Variants in TLK1 observed in about 807,000 individuals in gnomAD.
The protein encoded by TLK1 is tousled like kinase 1.
TLK1 carries 24 observed loss-of-function variants against 105.3 expected under a neutral mutation model. That is an observed-to-expected ratio of 0.23 (90% CI 0.17 to 0.32). TLK1 has a LOEUF of 0.32. Ranked by LOEUF, TLK1 falls within the 10% of genes least tolerant of loss-of-function variation. The pLI is 1.00. For missense variants in TLK1, 558 were observed against 910.5 expected, an observed-to-expected ratio of 0.61 and a Z score of 4.98; for synonymous variants, 321 against 310.4, an observed-to-expected ratio of 1.03 and a Z score of -0.36.
At chr2:171,003,872 T>C (rs1262435724) in intron 18 of TLK1, among the ~76,000 whole-genome samples, 1 of 152,248 alleles carries the variant, frequency 6.6e-6, no homozygotes, top group Admixed American at 6.5e-5. Context: ...TAGATTTGTG[T>C]ACATTTTATG....
Position 171,160,180 on chromosome 2 carries a change from C to A in TLK1, c.139+110G>T. 8.3e-7 allele frequency: 1 copy of A among 1,204,248 alleles called. No individual in the cohort carries two copies. The highest frequency in any genetic ancestry group is 1.0e-6 in the Non-Finnish European group (1 of 953,384). The allele number at this position is 1,204,248 out of a possible 1,614,324, so 74.6% of individuals were successfully genotyped here. ...CGTCCACCTCGCCACCATCCCCCACCCCAGGGTCTGGCGGAGAAGCCCCGG... is the reference window on the plus strand; with the variant it reads ...CGTCCACCTCGCCACCATCCCCCACACCAGGGTCTGGCGGAGAAGCCCCGG... On this transcript the variant is annotated intron_variant, in intron 1 of 20. Coordinates refer to ENST00000431350, the MANE Select transcript of TLK1 (RefSeq NM_012290.5). This position sits in a 1 kb window ranked among gnomAD's most constrained non-coding sequence, Gnocchi z 4.4.
intron 3 of TLK1, among the ~76,000 whole-genome samples, chr2:171,063,422 A>G (rs1180682525): frequency 1.3e-5 from 2 of 152,144 alleles, no homozygotes; most frequent in African/African-American, 4.8e-5. Context: ...TTCCTAACTT[A>G]ATTTATATAT....
rs2723236 is a variant in TLK1 at position 171,070,768 on chromosome 2, T to C, written c.331-9612A>G. Among the ~76,000 whole-genome samples, 1,408 of 152,288 alleles carry C rather than the reference T, an allele frequency of 9.2e-3. 16 individuals carry two copies. Among genetic ancestry groups the C allele is most frequent in the Middle Eastern group, 0.044 (13 of 294 alleles). On this transcript the variant is annotated intron_variant, in intron 3 of 20. Transcript: ENST00000431350. Reference sequence around the variant, plus strand: ...GTATCTCTTTGATATATCAATTTCTTTTATTTTGGGTATATATCTAGCAGT... The same window carrying C: ...GTATCTCTTTGATATATCAATTTCTCTTATTTTGGGTATATATCTAGCAGT...
At chr2:171,229,656 G>A (rs558554780) in intron 1 of TLK1, among the ~76,000 whole-genome samples, 76 of 152,282 alleles carry the variant, frequency 5.0e-4, no homozygotes, top group African/African-American at 1.7e-3. Context: ...TCAAGAGAAA[G>A]GGTGCAAACT....
At chr2:170,998,832 G>A (rs1341397202) in intron 18 of TLK1, among the ~76,000 whole-genome samples, 4 of 152,100 alleles carry the variant, frequency 2.6e-5, no homozygotes, top group East Asian at 1.9e-4. Flanking sequence ...ACAGTGGTAC[G>A]ATCATAGCTC....
chr2:171,230,288 C>T (rs1693971896), intron 1 of TLK1, among the ~76,000 whole-genome samples: 1 of 152,130 alleles, frequency 6.6e-6, no homozygotes, highest in Non-Finnish European at 1.5e-5. Flanking sequence ...TACTTTGACC[C>T]ACTTCCTTGC....
At chr2:171,113,351 A>C (rs1575604261) in intron 2 of TLK1, among the ~76,000 whole-genome samples, 1 of 151,642 alleles carries the variant, frequency 6.6e-6, no homozygotes, top group South Asian at 2.1e-4. Context: ...GCTCACTGCA[A>C]CCTCCATCTC....
intron 1 of TLK1, among the ~76,000 whole-genome samples, chr2:171,173,949 C>T (rs1692775341): frequency 6.6e-6 from 1 of 152,278 alleles, no homozygotes; most frequent in Non-Finnish European, 1.5e-5. Context: ...TCCCTTGCCA[C>T]TCCCTAAGAC....
upstream of TLK1, among the ~76,000 whole-genome samples, chr2:171,162,765 G>C (rs1157651551): frequency 1.3e-5 from 2 of 152,250 alleles, no homozygotes; most frequent in East Asian, 3.9e-4. Context: ...AGGCCATACA[G>C]TCAATTTGTA....
At chr2:171,022,059 T>G (rs1685536880) in intron 12 of TLK1, among the ~76,000 whole-genome samples, 1 of 145,140 alleles carries the variant, frequency 6.9e-6, no homozygotes, top group African/African-American at 2.6e-5. Context: ...GCCGGGATCA[T>G]GCCACCACAC....
chr2:171,039,106 C>T (rs2105410737), intron 11 of TLK1, among the ~76,000 whole-genome samples: 1 of 152,118 alleles, frequency 6.6e-6, no homozygotes, highest in South Asian at 2.1e-4. Context: ...TTTACTATGT[C>T]TGATTTAATA....
At chr2:171,046,466 T>C in intron 10 of TLK1, 104 bp from the exon 11 acceptor site, 1 of 1,279,788 alleles carries the variant, frequency 7.8e-7, no homozygotes. Context: ...AAAATATACA[T>C]TCGTAACCTT....
At chr2:171,087,913 G>C (rs1031933385) in intron 2 of TLK1, among the ~76,000 whole-genome samples, 3 of 152,136 alleles carry the variant, frequency 2.0e-5, no homozygotes, top group African/African-American at 4.8e-5. Context: ...GCCCTTTCTT[G>C]TTCTCAATTC....
chr2:171,026,350 T>C (rs1283429089), intron 12 of TLK1, among the ~76,000 whole-genome samples: 1 of 152,150 alleles, frequency 6.6e-6, no homozygotes, highest in Non-Finnish European at 1.5e-5. Context: ...ACCAGTATTT[T>C]CAAAGTACCA....
chr2:171,116,266 A>C (rs1163329596), intron 2 of TLK1, among the ~76,000 whole-genome samples: 1 of 152,226 alleles, frequency 6.6e-6, no homozygotes, highest in Non-Finnish European at 1.5e-5. Context: ...CGATGTATGA[A>C]GTCAACAAGA....
intron 3 of TLK1, among the ~76,000 whole-genome samples, chr2:171,079,636 C>G (rs1688660515): frequency 1.3e-5 from 2 of 151,902 alleles, no homozygotes; most frequent in South Asian, 2.1e-4. Flanking sequence ...CTTTTATTTA[C>G]GAGAGGAAAA....
chr2:171,046,077 T>C (rs1346866082), intron 11 of TLK1, 97 bp downstream of exon 11: 2 of 1,100,406 alleles, frequency 1.8e-6, no homozygotes, highest in Non-Finnish European at 2.5e-6. Context: ...TTAATCATTT[T>C]TGCTATCTAA....
At chr2:171,121,765 G>C (rs1690665645) in intron 1 of TLK1, among the ~76,000 whole-genome samples, 1 of 152,164 alleles carries the variant, frequency 6.6e-6, no homozygotes, top group Non-Finnish European at 1.5e-5. Flanking sequence ...CTTTGACCTA[G>C]ATCAGTAAAT....
intron 12 of TLK1, chr2:171,023,249 G>A: frequency 2.2e-6 from 1 of 463,046 alleles, no homozygotes; most frequent in Admixed American, 2.4e-5. Context: ...TAGAGATTGA[G>A]ATGACTGTAA....
Sources: gnomAD v4.1 joint callset for allele counts (sites outside exome capture counted in the v4.1 genomes callset) on GRCh38, gnomAD v4.1.1 for gene constraint, Gnocchi (gnomAD v3.1) non-coding constraint, MANE v1.5 for transcripts, NCBI Gene and HGNC (gene_info 2026-07-23, HGNC 2026-07-21) for gene names.